The following ANKRD29 variants were observed in gnomAD, a reference collection of about 807,000 sequenced individuals.
ANKRD29 encodes the protein ankyrin repeat domain-containing protein 29.
ANKRD29 carries 32 observed loss-of-function variants against 38.0 expected under a neutral mutation model. The ratio of observed to expected loss-of-function variants is 0.84; its 90% CI spans 0.64 to 1.13. The LOEUF (loss-of-function observed/expected upper bound fraction) is 1.13, where lower values mean the gene tolerates loss of function less well. Among genes scored for constraint, ANKRD29 ranks in the 50% most tolerant of loss-of-function variants. The pLI, the probability that ANKRD29 is intolerant of heterozygous loss-of-function variation, is 0.00. For missense variants in ANKRD29, 357 were observed against 377.9 expected, an observed-to-expected ratio of 0.94 and a Z score of 0.46; for synonymous variants, 135 against 152.4, an observed-to-expected ratio of 0.89 and a Z score of 0.84.
chr18:23,611,420 ATG>A lies in ANKRD29; in HGVS notation c.822+670_822+671del, dbSNP rs577499522. Among the ~76,000 whole-genome samples the A allele has an allele frequency of 2.6e-4, 40 of 152,194 alleles. No homozygotes were observed. In the South Asian group the frequency reaches 8.1e-3, roughly 31 times the overall value. ...AACCACTGGCCGGGCGTGGTGCCTCATGTGTGTAATCCCAGCACTTTGGGAGG... is the reference window on the plus strand; with the variant it reads ...AACCACTGGCCGGGCGTGGTGCCTCATGTGTAATCCCAGCACTTTGGGAGG... On this transcript the variant is annotated intron_variant, in intron 9 of 9. Coordinates refer to ENST00000592179, the MANE Select transcript of ANKRD29 (RefSeq NM_173505.4).
intron 1 of ANKRD29, among the ~76,000 whole-genome samples, chr18:23,650,382 A>G (rs761310304): frequency 4.7e-5 from 7 of 149,292 alleles, no homozygotes; most frequent in Non-Finnish European, 1.0e-4. Context: ...GGGCTCAAGC[A>G]ATCTACCCAC....
chr18:23,621,400 A>G (rs923461601), intron 6 of ANKRD29, among the ~76,000 whole-genome samples: 2 of 152,122 alleles, frequency 1.3e-5, no homozygotes, highest in African/African-American at 4.8e-5. Flanking sequence ...TTGGGAGCCC[A>G]GGAGGATCTG....
rs2059741478 is a variant in ANKRD29 at position 23,617,634 on chromosome 18, C to G, written c.723+98G>C. On this transcript the variant is annotated intron_variant, in intron 8 of 9. Coordinates refer to ENST00000592179, the MANE Select transcript of ANKRD29 (RefSeq NM_173505.4). ...TGTGTTCTTTCAAGAATCCAACTAA[C>G]CAGGCTAACTGCACCCAAATTCGAC... The G allele has an allele frequency of 1.3e-5, 11 of 844,728 alleles. No homozygotes were observed. In the South Asian group the frequency reaches 1.7e-4, roughly 13 times the overall value. The allele number at this position is 844,728 out of a possible 1,614,324, so 52.3% of individuals were successfully genotyped here.
chr18:23,662,798 C>G lies in ANKRD29; in HGVS notation c.-68G>C. 1.5e-6 allele frequency: 2 copies of G among 1,371,918 alleles called. No individual in the cohort carries two copies. Among genetic ancestry groups the G allele is most frequent in the African/African-American group, 1.5e-5 (1 of 65,904 alleles). 85.0% of individuals were successfully genotyped at this position (1,371,918 alleles called of 1,614,324 possible). On this transcript the variant is annotated 5_prime_UTR_variant, in exon 1 of 10. Transcript: ENST00000592179. ...GGGCGCCTTGTCCTCCCCGGCCCTT[C>G]ACTCTCCCGGGGCTCTCGGCGTTCC...
intron 4 of ANKRD29, among the ~76,000 whole-genome samples, chr18:23,634,873 G>T (rs1033114244): frequency 1.3e-5 from 2 of 152,302 alleles, no homozygotes; most frequent in East Asian, 1.9e-4. Context: ...GGGAAACGCC[G>T]TCTTCTCCCT....
chr18:23,613,920 C>G (rs2059678275), intron 8 of ANKRD29, among the ~76,000 whole-genome samples: 1 of 151,934 alleles, frequency 6.6e-6, no homozygotes, highest in Non-Finnish European at 1.5e-5. Context: ...TTTGTAGAGA[C>G]AGGGTTTCAT....
chr18:23,628,603 A>G (rs551188891), intron 6 of ANKRD29, among the ~76,000 whole-genome samples: 1 of 152,218 alleles, frequency 6.6e-6, no homozygotes, highest in Non-Finnish European at 1.5e-5. Flanking sequence ...TGGGAGCCCA[A>G]GGTGTGTGGA....
intron 6 of ANKRD29, among the ~76,000 whole-genome samples, chr18:23,629,408 A>G (rs2059901723): frequency 6.6e-6 from 1 of 152,256 alleles, no homozygotes; most frequent in African/African-American, 2.4e-5. Flanking sequence ...TAATGATTCC[A>G]ACGGCATGGG....
Position 23,662,875 on chromosome 18 carries a change from AGCC to A in ANKRD29, c.-148_-146del. On this transcript the variant is annotated 5_prime_UTR_variant, in exon 1 of 10. Coordinates refer to ENST00000592179, the MANE Select transcript of ANKRD29 (RefSeq NM_173505.4). ...CGCTCCCGCCGCCCGGCCCGGCAGC[AGCC>A]GCCGCACACAGGGCCGGGCCGAAGG... 1 of 698,946 alleles carries A rather than the reference AGCC, an allele frequency of 1.4e-6. No homozygotes were observed. Among genetic ancestry groups the A allele is most frequent in the Non-Finnish European group, 1.8e-6 (1 of 558,124 alleles). 43.3% of individuals were successfully genotyped at this position (698,946 alleles called of 1,614,324 possible).
At chr18:23,631,242 C>CT (rs577952705) in intron 5 of ANKRD29, among the ~76,000 whole-genome samples, 4,939 of 139,054 alleles carry the variant, frequency 0.036, 257 homozygotes, top group African/African-American at 0.11. Context: ...TCTCTCTCTT[C>CT]TTTTTTTTTT....
At chr18:23,603,290 G>A (rs1171476597) in intron 9 of ANKRD29, among the ~76,000 whole-genome samples, 1 of 152,234 alleles carries the variant, frequency 6.6e-6, no homozygotes, top group Non-Finnish European at 1.5e-5. Flanking sequence ...GAAAATATCA[G>A]TTCACTGAGT....
chr18:23,602,730 G>A (rs572594217), intron 9 of ANKRD29, among the ~76,000 whole-genome samples: 13 of 151,170 alleles, frequency 8.6e-5, no homozygotes, highest in African/African-American at 2.4e-4. Context: ...GACCAGCCTG[G>A]GCAACATAGT....
At chr18:23,625,141 C>T (rs1052159653) in intron 6 of ANKRD29, among the ~76,000 whole-genome samples, 5 of 152,174 alleles carry the variant, frequency 3.3e-5, no homozygotes, top group African/African-American at 9.7e-5. Flanking sequence ...GAATCCTGCC[C>T]GTGGCAGAGG....
chr18:23,614,802 G>C (rs1222475765), intron 8 of ANKRD29, among the ~76,000 whole-genome samples: 3 of 151,916 alleles, frequency 2.0e-5, no homozygotes, highest in Non-Finnish European at 4.4e-5. Flanking sequence ...AAAATATAAA[G>C]AGCAGACACA....
rs1292142485 is a variant in ANKRD29, at chr18:23,629,886, C to T, written c.495G>A (p.Leu165=). The change falls in exon 6 of 10, where the codon CTG becomes CTA. Residue 165 remains leucine, a synonymous_variant. Coordinates refer to ENST00000592179, the MANE Select transcript of ANKRD29 (RefSeq NM_173505.4). ...GGYLDVIRLL[L]ASGAKVNQPR... ...GCTGGTTGACTTTTGCTCCTGAAGCCAGCAGTAATCGAATAACATCCAAGT... is the reference window on the plus strand; with the variant it reads ...GCTGGTTGACTTTTGCTCCTGAAGCTAGCAGTAATCGAATAACATCCAAGT... 12 of 1,614,116 alleles carry T rather than the reference C, an allele frequency of 7.4e-6. No individual in the cohort carries two copies. The highest frequency in any genetic ancestry group is 1.0e-5 in the Non-Finnish European group (12 of 1,180,030).
intron 6 of ANKRD29, among the ~76,000 whole-genome samples, chr18:23,622,219 A>G (rs1248203735): frequency 6.6e-6 from 1 of 152,168 alleles, no homozygotes; most frequent in Non-Finnish European, 1.5e-5. Context: ...AGGAGAAGGA[A>G]AAGCAGCTAC....
At chr18:23,630,899 T>A (rs1021569802) in intron 5 of ANKRD29, among the ~76,000 whole-genome samples, 1 of 144,352 alleles carries the variant, frequency 6.9e-6, no homozygotes, top group Non-Finnish European at 1.5e-5. Context: ...CCTGGGAAGT[T>A]GAGGTTACAG....
chr18:23,614,451 A>G (rs2059685643), intron 8 of ANKRD29, among the ~76,000 whole-genome samples: 1 of 152,118 alleles, frequency 6.6e-6, no homozygotes, highest in African/African-American at 2.4e-5. Flanking sequence ...CCTTTTGTTC[A>G]TAGAATTCAT....
intron 2 of ANKRD29, chr18:23,646,544 G>T (rs2145723270): frequency 5.7e-6 from 2 of 353,782 alleles, no homozygotes; most frequent in South Asian, 6.1e-5. Context: ...CAGTCCAAAT[G>T]AACCATAGTT....
Sources: allele counts gnomAD v4.1 joint callset (sites outside exome capture counted in the v4.1 genomes callset), GRCh38; gene constraint gnomAD v4.1.1; transcripts MANE v1.5; gene names NCBI Gene and HGNC (gene_info 2026-07-23, HGNC 2026-07-21).